RFX7: variants seen among roughly 807,000 people sequenced by gnomAD.
The protein encoded by RFX7 is DNA-binding protein RFX7.
RFX7 carries 26 observed loss-of-function variants against 111.8 expected under a neutral mutation model. The observed-to-expected ratio is 0.23, with a 90% CI of 0.17 to 0.32. RFX7 has a LOEUF of 0.32. RFX7 is among the 10% of genes least tolerant of loss of function. The pLI, the probability that RFX7 is intolerant of heterozygous loss-of-function variation, is 1.00. For synonymous variants in RFX7, 624 were observed against 624.4 expected (o/e 1.00, Z 0.01); for missense variants, 1,573 against 1,772.9 (o/e 0.89, Z 2.02).
intron 2 of RFX7, among the ~76,000 whole-genome samples, chr15:56,215,769 C>T (rs1222076733): frequency 1.3e-5 from 2 of 152,122 alleles, no homozygotes; most frequent in South Asian, 2.1e-4. Context: ...ATGGTTTAAA[C>T]AAACATTTTT....
intron 5 of RFX7, among the ~76,000 whole-genome samples, chr15:56,129,759 A>G (rs376596011): frequency 4.6e-5 from 7 of 152,342 alleles, no homozygotes; most frequent in East Asian, 3.9e-4. Context: ...TGCAATGTCT[A>G]CTTGGCATAG....
At chr15:56,180,187 T>C (rs1212493898) in intron 2 of RFX7, among the ~76,000 whole-genome samples, 1 of 152,218 alleles carries the variant, frequency 6.6e-6, no homozygotes, top group Non-Finnish European at 1.5e-5. Context: ...CCTTTGTATG[T>C]AGCCATACAG....
In RFX7 at chr15:56,091,784, CCATTT is replaced by C. The variant is rs1449903937; in HGVS notation, c.*1556_*1560del. The C allele has an allele frequency of 5.2e-5, 8 of 152,510 alleles. No homozygotes were observed. Among genetic ancestry groups the C allele is most frequent in the African/African-American group, 1.9e-4 (8 of 41,436 alleles). The allele number at this position is 152,510 out of a possible 1,614,324, so 9.4% of individuals were successfully genotyped here. On this transcript the variant is annotated 3_prime_UTR_variant, in exon 10 of 10. Transcript: ENST00000559447. ...ATAAACCTCTGCGCCAACTCTAGCA[CCATTT>C]ATTTATCAAAATATGTTAATACCCT... is the stretch of plus-strand genomic sequence containing the variant.
At chr15:56,159,751 CT>C (rs1349674120) in intron 3 of RFX7, among the ~76,000 whole-genome samples, 2 of 152,166 alleles carry the variant, frequency 1.3e-5, no homozygotes, top group African/African-American at 4.8e-5. Context: ...TGTTTCTGAA[CT>C]GTCAATACAT....
intron 3 of RFX7, among the ~76,000 whole-genome samples, chr15:56,148,221 A>C (rs892008267): frequency 3.3e-5 from 5 of 152,202 alleles, no homozygotes; most frequent in African/African-American, 1.2e-4. Flanking sequence ...ACATTCCAGG[A>C]AACAATTTTG....
intron 5 of RFX7, among the ~76,000 whole-genome samples, chr15:56,111,309 ATTC>A (rs1242791259): frequency 6.6e-6 from 1 of 151,800 alleles, no homozygotes; most frequent in East Asian, 2.0e-4. Context: ...ACTAAGAAAA[ATTC>A]TTCTTCCTTG....
Position 56,093,207 on chromosome 15 carries a change from C to T in RFX7, c.*138G>A, listed in dbSNP as rs1054634737. 1.3e-6 allele frequency: 1 copy of T among 750,298 alleles called. No individual in the cohort carries two copies. Among genetic ancestry groups the T allele is most frequent in the Non-Finnish European group, 2.1e-6 (1 of 479,920 alleles). The allele number at this position is 750,298 out of a possible 1,614,324, so 46.5% of individuals were successfully genotyped here. ...CTGAGGCAAGTCTAACCATTTCCTACTGAAGAAACCACTTCTGCAGCAAAC... is the reference window on the plus strand; with the variant it reads ...CTGAGGCAAGTCTAACCATTTCCTATTGAAGAAACCACTTCTGCAGCAAAC... On this transcript the variant is annotated 3_prime_UTR_variant, in exon 10 of 10. Coordinates refer to ENST00000559447, the MANE Select transcript of RFX7 (RefSeq NM_022841.7).
chr15:56,101,295 G>C, intron 8 of RFX7, 64 bp downstream of exon 8: 1 of 1,342,274 alleles, frequency 7.5e-7, no homozygotes, highest in Non-Finnish European at 1.0e-6. Flanking sequence ...CTCTTCTTTT[G>C]CTACCAATTC....
At chr15:56,105,892 T>C (rs1294437104) in intron 5 of RFX7, among the ~76,000 whole-genome samples, 4 of 152,048 alleles carry the variant, frequency 2.6e-5, no homozygotes, top group African/African-American at 4.8e-5. Flanking sequence ...ATTACAAAAA[T>C]TGTTTGTTAA....
chr15:56,122,027 T>C (rs1223075911), intron 5 of RFX7, among the ~76,000 whole-genome samples: 1 of 152,162 alleles, frequency 6.6e-6, no homozygotes, highest in African/African-American at 2.4e-5. Context: ...TGGTGCCTTA[T>C]TTAGTTCGTT....
intron 3 of RFX7, among the ~76,000 whole-genome samples, chr15:56,161,532 C>T (rs1204417620): frequency 8.5e-5 from 13 of 152,098 alleles, no homozygotes; most frequent in South Asian, 2.1e-4. Flanking sequence ...AAATATATTT[C>T]GGTTTTCTTA....
intron 5 of RFX7, among the ~76,000 whole-genome samples, chr15:56,129,408 T>C (rs1404688340): frequency 1.3e-5 from 2 of 150,496 alleles, no homozygotes; most frequent in African/African-American, 4.9e-5. Context: ...AATCAGGTAA[T>C]AGATGAATTT....
intron 3 of RFX7, among the ~76,000 whole-genome samples, chr15:56,176,939 TA>T (rs33975389): frequency 0.81 from 120,281 of 148,570 alleles, 49,301 homozygotes; most frequent in Middle Eastern, 0.9. Flanking sequence ...GCCAGGGTAT[TA>T]AAAAAAAAAA....
Position 56,116,927 on chromosome 15 carries a change from T to A in RFX7, c.402-13257A>T, listed in dbSNP as rs142387911. ...GCCAGATAAAAAATATAGTATATTG[T>A]ATAACATCATTCATGTAATGTTCAA... On this transcript the variant is annotated intron_variant, in intron 5 of 9. Transcript: ENST00000559447. 5.5e-3 allele frequency among the ~76,000 whole-genome samples: 836 copies of A among 151,938 alleles called. 5 individuals carry two copies. The highest frequency in any genetic ancestry group is 8.3e-3 in the Non-Finnish European group (561 of 67,982).
intron 6 of RFX7, among the ~76,000 whole-genome samples, chr15:56,102,676 T>C (rs1288198426): frequency 1.3e-5 from 2 of 152,182 alleles, no homozygotes; most frequent in Non-Finnish European, 2.9e-5. Context: ...TTCGTTTCTC[T>C]TTTTCCACTG....
intron 7 of RFX7, 28 bp from the exon 8 acceptor site, chr15:56,101,594 C>T (rs1443963869): frequency 1.2e-5 from 18 of 1,564,488 alleles, no homozygotes; most frequent in Non-Finnish European, 1.5e-5. Context: ...GAAATGTTAA[C>T]TTGTAAAAGA....
intron 3 of RFX7, among the ~76,000 whole-genome samples, chr15:56,178,158 C>A (rs2042922938): frequency 1.6e-5 from 2 of 125,562 alleles, no homozygotes; most frequent in Non-Finnish European, 1.7e-5. Flanking sequence ...ACTCGAAAAC[C>A]AAAAAACTAC....
chr15:56,159,438 T>C lies in RFX7; in HGVS notation c.196-14955A>G, dbSNP rs150108366. Reference sequence around the variant, plus strand: ...GACCATCAGACTTGGTCACTCATCATTGAAGATTATGTTACACAAGTACTG... The same window carrying C: ...GACCATCAGACTTGGTCACTCATCACTGAAGATTATGTTACACAAGTACTG... On this transcript the variant is annotated intron_variant, in intron 3 of 9. Transcript: ENST00000559447. Among the ~76,000 whole-genome samples the C allele has an allele frequency of 1.4e-3, 220 of 152,298 alleles. 3 individuals are homozygous for C. Among genetic ancestry groups the C allele is most frequent in the African/African-American group, 5.1e-3 (213 of 41,570 alleles).
At chr15:56,139,971 G>A (rs371023731) in intron 5 of RFX7, among the ~76,000 whole-genome samples, 2 of 152,216 alleles carry the variant, frequency 1.3e-5, no homozygotes, top group South Asian at 2.1e-4. Flanking sequence ...CAGTCTGCCC[G>A]TTCTCAGATC....
Sources: gnomAD v4.1 joint callset for allele counts (sites outside exome capture counted in the v4.1 genomes callset) on GRCh38, gnomAD v4.1.1 for gene constraint, MANE v1.5 for transcripts, NCBI Gene and HGNC (gene_info 2026-07-23, HGNC 2026-07-21) for gene names.